DOK6: variants seen among roughly 807,000 people sequenced by gnomAD.
DOK6 encodes downstream of tyrosine kinase 6.
DOK6 carries 22 observed loss-of-function variants against 44.0 expected under a neutral mutation model. The ratio of observed to expected loss-of-function variants is 0.50; its 90% confidence interval spans 0.36 to 0.71. The LOEUF (loss-of-function observed/expected upper bound fraction) is 0.71. Among genes scored for constraint, DOK6 ranks in the 30% least tolerant of loss-of-function variants. DOK6 has a pLI of 0.00. For missense variants in DOK6, 340 were observed against 416.4 expected (o/e 0.82, Z 1.60); for synonymous variants, 166 against 145.5 (o/e 1.14, Z -1.01).
intron 1 of DOK6, among the ~76,000 whole-genome samples, chr18:69,550,233 A>G (rs149264532): frequency 1.3e-5 from 2 of 152,102 alleles, no homozygotes; most frequent in Non-Finnish European, 2.9e-5. Flanking sequence ...AGGTATATCT[A>G]AACAACAACC....
chr18:69,444,587 T>A (rs1248199408), intron 1 of DOK6, among the ~76,000 whole-genome samples: 1 of 151,940 alleles, frequency 6.6e-6, no homozygotes, highest in Non-Finnish European at 1.5e-5. Context: ...TTTTTATTTT[T>A]ATTTTTAATT....
chr18:69,461,586 A>C (rs985412295), intron 1 of DOK6, among the ~76,000 whole-genome samples: 8 of 152,140 alleles, frequency 5.3e-5, no homozygotes, highest in African/African-American at 1.9e-4. Context: ...TTAATCTATT[A>C]ATGTTATGCT....
At chr18:69,425,722 T>A (rs1205231751) in intron 1 of DOK6, among the ~76,000 whole-genome samples, 2 of 151,934 alleles carry the variant, frequency 1.3e-5, no homozygotes, top group African/African-American at 2.4e-5. Flanking sequence ...TTAAAAAAAA[T>A]GTTGCATTAA....
chr18:69,718,460 C>A (rs4145809), intron 5 of DOK6, among the ~76,000 whole-genome samples: 99,730 of 151,934 alleles, frequency 0.66, 33,311 homozygotes, highest in East Asian at 0.89. Context: ...AAACAGTAAA[C>A]TCTTATGTGA....
At chr18:69,735,758 G>A (rs1978584983) in intron 5 of DOK6, among the ~76,000 whole-genome samples, 1 of 152,182 alleles carries the variant, frequency 6.6e-6, no homozygotes, top group East Asian at 1.9e-4. Flanking sequence ...AATGGGTATA[G>A]CATGGCCCAA....
chr18:69,525,090 T>C (rs1043748913), intron 1 of DOK6, among the ~76,000 whole-genome samples: 1 of 151,822 alleles, frequency 6.6e-6, no homozygotes, highest in African/African-American at 2.4e-5. Context: ...GATGGATAGG[T>C]AGAAATTACT....
chr18:69,643,082 T>C (rs1216626248), intron 3 of DOK6, among the ~76,000 whole-genome samples: 1 of 152,214 alleles, frequency 6.6e-6, no homozygotes. Context: ...TGGATTCTTT[T>C]TATATTCACT....
chr18:69,487,512 A>G (rs2144536588), intron 1 of DOK6, among the ~76,000 whole-genome samples: 1 of 152,244 alleles, frequency 6.6e-6, no homozygotes, highest in Middle Eastern at 3.4e-3. Context: ...TGAGTGGATT[A>G]TCCTTTTATT....
intron 2 of DOK6, among the ~76,000 whole-genome samples, chr18:69,574,495 G>A (rs62095352): frequency 0.047 from 7,132 of 152,078 alleles, 248 homozygotes; most frequent in Non-Finnish European, 0.073. Context: ...ACACTTAAGG[G>A]ACTTCTTAGG....
At chr18:69,544,831 TA>T (rs532909289) in intron 1 of DOK6, among the ~76,000 whole-genome samples, 3 of 150,928 alleles carry the variant, frequency 2.0e-5, no homozygotes, top group Non-Finnish European at 3.0e-5. Flanking sequence ...TATTTTGATT[TA>T]AAAAAAAATT....
chr18:69,625,575 A>G (rs1379478840), intron 3 of DOK6, among the ~76,000 whole-genome samples: 1 of 152,210 alleles, frequency 6.6e-6, no homozygotes, highest in African/African-American at 2.4e-5. Context: ...CGTAAGGTTC[A>G]TGTGTGTAAG....
intron 6 of DOK6, among the ~76,000 whole-genome samples, chr18:69,755,383 G>A (rs1019933487): frequency 2.0e-5 from 3 of 152,154 alleles, no homozygotes; most frequent in African/African-American, 7.2e-5. Flanking sequence ...TACCATCAAT[G>A]ATCTACTGTA....
At chr18:69,577,233 A>C (rs1983260090) in intron 2 of DOK6, among the ~76,000 whole-genome samples, 1 of 152,042 alleles carries the variant, frequency 6.6e-6, no homozygotes, top group Non-Finnish European at 1.5e-5. Flanking sequence ...GAAATGGCAC[A>C]TGGGCATAAT....
chr18:69,595,440 G>A (rs779084417), intron 2 of DOK6, among the ~76,000 whole-genome samples: 1 of 152,138 alleles, frequency 6.6e-6, no homozygotes, highest in Non-Finnish European at 1.5e-5. Flanking sequence ...AATTGATGTG[G>A]ATGATCTGCC....
At chr18:69,494,808 T>A (rs891740837) in intron 1 of DOK6, among the ~76,000 whole-genome samples, 1 of 152,234 alleles carries the variant, frequency 6.6e-6, no homozygotes, top group Non-Finnish European at 1.5e-5. Flanking sequence ...TTTTTAATCA[T>A]ACTGTTGCAG....
intron 6 of DOK6, among the ~76,000 whole-genome samples, chr18:69,742,427 AAG>A (rs573364784): frequency 0.096 from 13,562 of 141,128 alleles, 658 homozygotes; most frequent in Non-Finnish European, 0.12. Context: ...AAAAAAAAAA[AAG>A]AAAAAGAAAA....
chr18:69,444,805 G>A (rs1979236446), intron 1 of DOK6, among the ~76,000 whole-genome samples: 1 of 151,634 alleles, frequency 6.6e-6, no homozygotes, highest in Non-Finnish European at 1.5e-5. Context: ...AGTCCTCCAA[G>A]TTTGCTTTAA....
chr18:69,483,249 T>A (rs1980480367), intron 1 of DOK6, among the ~76,000 whole-genome samples: 1 of 151,940 alleles, frequency 6.6e-6, no homozygotes, highest in Non-Finnish European at 1.5e-5. Context: ...GCCCAAAAGC[T>A]TCTTAAGCTA....
intron 1 of DOK6, among the ~76,000 whole-genome samples, chr18:69,549,082 T>C (rs1338449182): frequency 1.5e-5 from 2 of 136,876 alleles, no homozygotes; most frequent in Non-Finnish European, 3.2e-5. Context: ...GGTGAAAGAG[T>C]GAGACTCCGT....
Sources: allele counts gnomAD v4.1 joint callset (sites outside exome capture counted in the v4.1 genomes callset), GRCh38; gene constraint gnomAD v4.1.1; transcripts MANE v1.5; gene names NCBI Gene and HGNC (gene_info 2026-07-23, HGNC 2026-07-21).